The following PTPN12 variants were observed in gnomAD, a reference collection of about 807,000 sequenced individuals.
PTPN12 encodes the protein protein tyrosine phosphatase non-receptor type 12.
A neutral mutation model predicts 97.6 loss-of-function variants in PTPN12; 29 were observed. The observed-to-expected ratio is 0.30, with a 90% CI of 0.22 to 0.41. The LOEUF is 0.41. Ranked by LOEUF, PTPN12 falls within the 10% of genes least tolerant of loss-of-function variation. The pLI is 1.00. For missense variants in PTPN12, 819 were observed against 926.0 expected (o/e 0.88, Z 1.50); for synonymous variants, 327 against 300.4 (o/e 1.09, Z -0.91).
chr7:77,629,729 C>T (rs1472524080), intron 13 of PTPN12, among the ~76,000 whole-genome samples: 1 of 151,826 alleles, frequency 6.6e-6, no homozygotes, highest in Non-Finnish European at 1.5e-5. Flanking sequence ...TTCACTTGAG[C>T]CCAGGAGTTC....
At chr7:77,543,306 G>A (rs1479605709) in intron 1 of PTPN12, among the ~76,000 whole-genome samples, 1 of 150,552 alleles carries the variant, frequency 6.6e-6, no homozygotes, top group Non-Finnish European at 1.5e-5. Flanking sequence ...AGGAGCTAGA[G>A]GAAGATTGGT....
At chr7:77,568,446 G>A (rs372879930) in intron 1 of PTPN12, among the ~76,000 whole-genome samples, 1 of 152,086 alleles carries the variant, frequency 6.6e-6, no homozygotes, top group African/African-American at 2.4e-5. Flanking sequence ...ACCAGCCTCC[G>A]CAACATACAT....
chr7:77,557,508 CTTAAGA>C (rs1364638809), intron 1 of PTPN12, among the ~76,000 whole-genome samples: 2 of 152,114 alleles, frequency 1.3e-5, no homozygotes, highest in East Asian at 1.9e-4. Flanking sequence ...TTTACTTGCT[CTTAAGA>C]TTGAGTGACA....
Position 77,585,609 on chromosome 7 carries a change from T to A in PTPN12, c.420+28T>A, listed in dbSNP as rs1361430460. 6 of 1,556,272 alleles carry A rather than the reference T, an allele frequency of 3.9e-6. No individual in the cohort carries two copies. In the East Asian group the frequency reaches 1.1e-4, roughly 29 times the overall value. On this transcript the variant is annotated intron_variant, in intron 5 of 17. Coordinates refer to ENST00000248594, the MANE Select transcript of PTPN12 (RefSeq NM_002835.4). ...ATGTATAATCTATTCCTCTTACTAT[T>A]TCATTTTTACGGATAAATATTCTTA...
chr7:77,621,846 T>G (rs993332103), intron 12 of PTPN12, among the ~76,000 whole-genome samples: 4 of 152,250 alleles, frequency 2.6e-5, no homozygotes, highest in Non-Finnish European at 4.4e-5. Context: ...CATGGGAATT[T>G]TTCAGCTCCA....
intron 1 of PTPN12, among the ~76,000 whole-genome samples, chr7:77,563,691 C>A (rs914872220): frequency 6.6e-6 from 1 of 152,028 alleles, no homozygotes; most frequent in Non-Finnish European, 1.5e-5. Flanking sequence ...TATTATCAAT[C>A]CTGAGTTGGC....
chr7:77,557,903 G>T (rs534603451), intron 1 of PTPN12, among the ~76,000 whole-genome samples: 4 of 152,104 alleles, frequency 2.6e-5, no homozygotes, highest in African/African-American at 9.6e-5. Context: ...TCAAAAATTC[G>T]TAATAATTCA....
chr7:77,591,508 A>G (rs927280860), intron 5 of PTPN12, among the ~76,000 whole-genome samples: 4 of 152,226 alleles, frequency 2.6e-5, no homozygotes, highest in Admixed American at 2.6e-4. Context: ...TAGGAAGGTA[A>G]GAGGAGAAAT....
chr7:77,540,291 G>A, intron 1 of PTPN12, among the ~76,000 whole-genome samples: 1 of 149,014 alleles, frequency 6.7e-6, no homozygotes, highest in East Asian at 2.0e-4. Context: ...AGGTTGGAGT[G>A]CAGTGGCTCA....
Position 77,639,329 on chromosome 7 carries a change from C to T in PTPN12, c.*49C>T. ...AAGTTATACTGGAAAATTCAGGTGC[C>T]ACTGAAAGCCAGATTTATAGTATTC... On this transcript the variant is annotated 3_prime_UTR_variant, in exon 18 of 18. Transcript: ENST00000248594. The T allele has an allele frequency of 4.2e-6, 6 of 1,414,558 alleles. No homozygotes were observed. The Middle Eastern group carries it at 8.8e-4, about 207-fold the overall frequency. 87.6% of individuals were successfully genotyped at this position (1,414,558 alleles called of 1,614,324 possible). A position where few individuals can be genotyped will look rare whatever the true frequency, so the allele number is the denominator to read the frequency against.
At chr7:77,597,786 ATGTGTCTTTTTGT>A in intron 6 of PTPN12, 43 bp from the exon 7 acceptor site, 1 of 1,567,040 alleles carries the variant, frequency 6.4e-7, no homozygotes, top group South Asian at 1.2e-5. Flanking sequence ...ATTTGTTTTG[ATGTGTCTTTTTGT>A]TTTAACGTTT....
At chr7:77,625,496 T>TCTCTCC (rs1789122772) in intron 12 of PTPN12, among the ~76,000 whole-genome samples, 1 of 103,508 alleles carries the variant, frequency 9.7e-6, no homozygotes, top group Non-Finnish European at 2.0e-5. Flanking sequence ...TCTCTCTCTC[T>TCTCTCC]CTCTCTCTCT....
At chr7:77,629,360 C>T (rs574579591) in intron 13 of PTPN12, among the ~76,000 whole-genome samples, 1 of 152,240 alleles carries the variant, frequency 6.6e-6, no homozygotes, top group East Asian at 1.9e-4. Flanking sequence ...TATTACTTTA[C>T]CAGTTTACCA....
At chr7:77,600,354 G>T (rs1315032028) in intron 7 of PTPN12, among the ~76,000 whole-genome samples, 3 of 152,134 alleles carry the variant, frequency 2.0e-5, no homozygotes, top group African/African-American at 7.2e-5. Context: ...GAACTGCCTG[G>T]TTTAGAGCCC....
chr7:77,550,776 T>C (rs1584094895), intron 1 of PTPN12, among the ~76,000 whole-genome samples: 1 of 152,218 alleles, frequency 6.6e-6, no homozygotes, highest in African/African-American at 2.4e-5. Flanking sequence ...TGGCTGACTT[T>C]CTCGAAACAC....
Position 77,609,261 on chromosome 7 carries a change from TTCTC to T in PTPN12, c.763-1494_763-1491del, listed in dbSNP as rs199736127. On this transcript the variant is annotated intron_variant, in intron 9 of 17. Coordinates refer to ENST00000248594, the MANE Select transcript of PTPN12 (RefSeq NM_002835.4). The stretch of plus-strand genomic sequence containing the variant: ...TAAAAGTTGTGTATTTTGAACATAG[TTCTC>T]TCTCTCTCTTTTTTTTTTTTTTTTG... Among the ~76,000 whole-genome samples, 148 of 138,282 alleles carry T rather than the reference TTCTC, an allele frequency of 1.1e-3. 1 individual carries two copies. Among genetic ancestry groups the T allele is most frequent in the African/African-American group, 3.9e-3 (141 of 35,772 alleles). The allele number at this position is 138,282 out of a possible 152,430, so 90.7% of individuals were successfully genotyped here.
At chr7:77,624,085 G>A (rs1013524656) in intron 12 of PTPN12, among the ~76,000 whole-genome samples, 3 of 151,990 alleles carry the variant, frequency 2.0e-5, no homozygotes, top group Admixed American at 6.6e-5. Flanking sequence ...ACATGAACAT[G>A]GCAAAACCAC....
chr7:77,547,073 AT>A (rs1414786614), intron 1 of PTPN12, among the ~76,000 whole-genome samples: 1 of 152,026 alleles, frequency 6.6e-6, no homozygotes, highest in Non-Finnish European at 1.5e-5. Flanking sequence ...TTAAAAAGCT[AT>A]TTTAACAACA....
At chr7:77,621,436 A>G (rs894288601) in intron 12 of PTPN12, among the ~76,000 whole-genome samples, 1 of 152,218 alleles carries the variant, frequency 6.6e-6, no homozygotes. Context: ...TGGGAGGCCA[A>G]GGTGGGTGGA....
Sources: gnomAD v4.1 joint callset for allele counts (sites outside exome capture counted in the v4.1 genomes callset) on GRCh38, gnomAD v4.1.1 for gene constraint, MANE v1.5 for transcripts, NCBI Gene and HGNC (gene_info 2026-07-23, HGNC 2026-07-21) for gene names.